Variants in MOV10L1 observed in about 807,000 individuals in gnomAD.
MOV10L1 encodes the protein Mov10 like RNA helicase 1.
In MOV10L1, 110 loss-of-function variants were observed where a neutral mutation model predicts 143.8. The ratio of observed to expected loss-of-function variants is 0.76; its 90% CI spans 0.66 to 0.90. MOV10L1 has a LOEUF of 0.90. Among genes scored for constraint, MOV10L1 ranks in the 40% least tolerant of loss-of-function variants. The pLI, the probability that MOV10L1 is intolerant of heterozygous loss-of-function variation, is 0.00. For missense variants in MOV10L1, 1,406 were observed against 1,526.8 expected, an observed-to-expected ratio of 0.92 and a Z score of 1.32; for synonymous variants, 593 against 581.1, an observed-to-expected ratio of 1.02 and a Z score of -0.29.
chr22:50,098,641 G>A (rs898870688), intron 2 of MOV10L1, among the ~76,000 whole-genome samples: 10 of 152,050 alleles, frequency 6.6e-5, no homozygotes, highest in Non-Finnish European at 1.0e-4. Flanking sequence ...TTTCATTTAC[G>A]TGTGTGGAAT....
chr22:50,129,629 AG>A (rs1413782949), intron 13 of MOV10L1, among the ~76,000 whole-genome samples: 5 of 152,244 alleles, frequency 3.3e-5, no homozygotes, highest in Middle Eastern at 3.4e-3. Context: ...CAGCTTTACA[AG>A]TGGTTGCATC....
intron 19 of MOV10L1, among the ~76,000 whole-genome samples, chr22:50,146,058 C>T (rs1448379365): frequency 5.9e-5 from 9 of 152,196 alleles, no homozygotes; most frequent in East Asian, 1.9e-4. Flanking sequence ...GCAGAGGCCC[C>T]GCGGTGGGGG....
intron 19 of MOV10L1, 152 bp downstream of exon 19, chr22:50,145,962 C>T (rs375412454): frequency 1.9e-5 from 24 of 1,265,492 alleles, no homozygotes; most frequent in Middle Eastern, 2.8e-4. Context: ...TGGGGAGGGC[C>T]GTGCCTGAAT....
intron 18 of MOV10L1, 100 bp downstream of exon 18, chr22:50,144,343 C>T: frequency 7.2e-7 from 1 of 1,382,828 alleles, no homozygotes; most frequent in Non-Finnish European, 9.6e-7. Context: ...AGGGTGGGCA[C>T]AGAGGCGCCA....
At position 50,144,214 on chromosome 22, in the gene MOV10L1, C is replaced by CG. The variant is rs2147360269; in HGVS notation, c.2479dup (p.Val827GlyfsTer13). 6.2e-7 allele frequency: 1 copy of CG among 1,608,786 alleles called. No homozygotes were observed. The highest frequency in any genetic ancestry group is 1.1e-5 in the South Asian group (1 of 90,996). The stretch of plus-strand genomic sequence containing the variant: ...GGTGCTACAGCCGGCCACCATGGTC[C>CG]GGGTGAACGCCACCTGCAGGTTCGA... On this transcript the variant is annotated frameshift_variant, in exon 18 of 27. Coordinates refer to ENST00000262794, the MANE Select transcript of MOV10L1 (RefSeq NM_018995.3). LOFTEE classifies it high-confidence loss of function.
Position 50,113,905 on chromosome 22 carries a change from ATCTTT to A in MOV10L1, c.884+124_884+128del, listed in dbSNP as rs1329859702. The A allele has an allele frequency of 1.0e-3, 680 of 663,400 alleles. 8 individuals are homozygous for A. In the Admixed American group the frequency reaches 0.019, roughly 19 times the overall value. The allele number at this position is 663,400 out of a possible 1,614,324, so 41.1% of individuals were successfully genotyped here. ...GTCATTTATTTTTTTCTTTATGAAG[ATCTTT>A]TCTTTTTTTTTTTTTTTTTTTTTTT... On this transcript the variant is annotated intron_variant, in intron 6 of 26. Coordinates refer to ENST00000262794, the MANE Select transcript of MOV10L1 (RefSeq NM_018995.3).
chr22:50,160,887 G>A (rs2063543413), intron 25 of MOV10L1, 62 bp downstream of exon 25: 1 of 1,613,330 alleles, frequency 6.2e-7, no homozygotes, highest in Admixed American at 1.7e-5. Context: ...GGGTCACTCG[G>A]GGTGAGACGT....
At chr22:50,111,746 G>T (rs555842458) in intron 5 of MOV10L1, among the ~76,000 whole-genome samples, 1 of 151,770 alleles carries the variant, frequency 6.6e-6, no homozygotes, top group African/African-American at 2.4e-5. Flanking sequence ...CTCATGATCC[G>T]CCCACCTCAG....
chr22:50,153,656 G>A (rs1261160666), intron 22 of MOV10L1, among the ~76,000 whole-genome samples: 2 of 152,242 alleles, frequency 1.3e-5, no homozygotes, highest in South Asian at 2.1e-4. Flanking sequence ...GGCAGCAGCT[G>A]CGATCCCGAG....
chr22:50,107,948 T>A (rs561725965), intron 3 of MOV10L1, among the ~76,000 whole-genome samples, 188 bp from the exon 4 acceptor site: 6 of 152,230 alleles, frequency 3.9e-5, no homozygotes, highest in Non-Finnish European at 8.8e-5. Flanking sequence ...CAGCTCATTT[T>A]ATTGCAGTGG....
At chr22:50,131,314 G>A (rs2062672701) in intron 13 of MOV10L1, among the ~76,000 whole-genome samples, 1 of 152,154 alleles carries the variant, frequency 6.6e-6, no homozygotes, top group African/African-American at 2.4e-5. Context: ...TCATGATTGA[G>A]TTTGCAGAGA....
At position 50,153,081 on chromosome 22, in the gene MOV10L1, G is replaced by T. The variant is rs777926241; in HGVS notation, c.2929G>T (p.Ala977Ser). ...KLVKNYRSHE[A>S]LLMLPSRLFY... ...GGTGAAGAACTACCGGTCCCACGAG[G>T]CCCTGCTGATGCTGCCCTCACGGCT... Residue 977 changes from alanine to serine, a missense_variant, in exon 22 of 27, where the codon GCC (alanine) becomes TCC (serine). This residue lies in a region of MOV10L1 where 1,233 missense variants were observed against 1,351.4 expected (regional missense o/e 0.91). Coordinates refer to ENST00000262794, the MANE Select transcript of MOV10L1 (RefSeq NM_018995.3). 4 of 1,612,164 alleles carry T rather than the reference G, an allele frequency of 2.5e-6. No individual in the cohort carries two copies. The highest frequency in any genetic ancestry group is 3.4e-6 in the Non-Finnish European group (4 of 1,178,524).
At chr22:50,155,087 T>G (rs1171550938) in intron 22 of MOV10L1, among the ~76,000 whole-genome samples, 1 of 152,174 alleles carries the variant, frequency 6.6e-6, no homozygotes, top group Non-Finnish European at 1.5e-5. Flanking sequence ...TGCTATTCAT[T>G]GAATTGTTTC....
intron 3 of MOV10L1, among the ~76,000 whole-genome samples, chr22:50,104,783 AT>A (rs2061827964): frequency 6.6e-6 from 1 of 152,070 alleles, no homozygotes; most frequent in East Asian, 1.9e-4. Flanking sequence ...ATTTTGCAAT[AT>A]GATCTTACTC....
At position 50,161,372 on chromosome 22, in the gene MOV10L1, G is replaced by T; in HGVS notation, c.3559G>T (p.Gly1187Cys). The stretch of plus-strand genomic sequence containing the variant: ...CCGCTTCTCCTCTGTCTACAGCTGT[G>T]GCGAGGGGGTGGCAGACCCCTCCTA... The part of the protein sequence containing the change: ...PPALQSLQNC[G>C]EGVADPSYPV... The change falls in exon 27 of 27, where the codon GGC becomes TGC. Residue 1187 changes from glycine (G) to cysteine (C), a missense_variant. Transcript: ENST00000262794. 6.3e-7 allele frequency: 1 copy of T among 1,594,680 alleles called. No homozygotes were observed. Among genetic ancestry groups the T allele is most frequent in the Non-Finnish European group, 8.5e-7 (1 of 1,170,762 alleles).
At position 50,160,916 on chromosome 22, in the gene MOV10L1, T is replaced by C. The variant is rs781348759; in HGVS notation, c.3463-48T>C. On this transcript the variant is annotated intron_variant, in intron 25 of 26. Coordinates refer to ENST00000262794, the MANE Select transcript of MOV10L1 (RefSeq NM_018995.3). ...GAGACGTACGAGGCACCAGGAGACA[T>C]GGGGCCTTCACTTGCTCTCACACCA... 4 of 1,607,994 alleles carry C rather than the reference T, an allele frequency of 2.5e-6. No homozygotes were observed. In the South Asian group the frequency reaches 4.4e-5, roughly 18 times the overall value.
chr22:50,110,403 C>G (rs1213293564), intron 5 of MOV10L1, among the ~76,000 whole-genome samples: 1 of 148,642 alleles, frequency 6.7e-6, no homozygotes, highest in Non-Finnish European at 1.5e-5. Flanking sequence ...GAGCCGAGAT[C>G]GCGCCACTGC....
chr22:50,152,395 T>C lies in MOV10L1; in HGVS notation c.2893-650T>C, dbSNP rs1460853343. 6.6e-6 allele frequency among the ~76,000 whole-genome samples: 1 copy of C among 152,164 alleles called. No homozygotes were observed. The highest frequency in any genetic ancestry group is 1.5e-5 in the Non-Finnish European group (1 of 68,012). On this transcript the variant is annotated intron_variant, in intron 21 of 26. Transcript: ENST00000262794. The surrounding 1 kb of genome is among the most constrained non-coding windows in gnomAD (Gnocchi z 4.4). The stretch of plus-strand genomic sequence containing the variant: ...ATTGCTCTGACTGGTTGAACTCCTG[T>C]AGTCGCTGGAGACCCTCTCTGGCTG...
chr22:50,150,611 C>T (rs1010503424), intron 20 of MOV10L1, 124 bp from the exon 21 acceptor site: 21 of 1,103,734 alleles, frequency 1.9e-5, no homozygotes, highest in South Asian at 6.2e-5. Context: ...CAGTCCCTCC[C>T]GTCGTCCCCT....
Sources: gnomAD v4.1 joint callset for allele counts (sites outside exome capture counted in the v4.1 genomes callset) on GRCh38, gnomAD v4.1.1 for gene constraint, gnomAD v4.1.1 regional missense constraint, Gnocchi (gnomAD v3.1) non-coding constraint, MANE v1.5 for transcripts, NCBI Gene and HGNC (gene_info 2026-07-23, HGNC 2026-07-21) for gene names.